The following STRIP2 variants were observed in gnomAD, a reference collection of about 807,000 sequenced individuals.
STRIP2 encodes the protein striatin interacting protein 2, also known as striatin-interacting protein 2.
STRIP2 carries 84 observed loss-of-function variants against 107.1 expected under a neutral mutation model. The ratio of observed to expected loss-of-function variants is 0.78; its 90% CI spans 0.66 to 0.94. The LOEUF is 0.94. STRIP2 is among the 40% of genes least tolerant of loss of function. The probability of loss-of-function intolerance (pLI) is 0.00; values close to 1 mark genes in which losing one functional copy is unlikely to be tolerated. For missense variants in STRIP2, 888 were observed against 1,034.2 expected, an observed-to-expected ratio of 0.86 and a Z score of 1.94; for synonymous variants, 394 against 400.4, an observed-to-expected ratio of 0.98 and a Z score of 0.19.
At position 129,454,154 on chromosome 7, in the gene STRIP2, C is replaced by T. The variant is rs1798273594; in HGVS notation, c.543C>T (p.Ala181=). Residue 181 remains alanine (A), a synonymous_variant, in exon 6 of 21, where the codon GCC becomes GCT. Coordinates refer to ENST00000249344, the MANE Select transcript of STRIP2 (RefSeq NM_020704.3). ...CCTCCCCTGGCAGCAACAGCCAGGC[C>T]TGTAGCAGTGCCCTTCGGAAACCAG... ...LLHMEIDNSQ[A]CSSALRKPAV... is the part of the protein sequence containing the mutation. The T allele has an allele frequency of 6.2e-7, 1 of 1,614,120 alleles. No individual in the cohort carries two copies. The highest frequency in any genetic ancestry group is 1.1e-5 in the South Asian group (1 of 91,082).
intron 20 of STRIP2, chr7:129,484,527 C>G (rs1162133691): frequency 3.9e-5 from 6 of 152,100 alleles, no homozygotes; most frequent in African/African-American, 1.4e-4. Context: ...AGGGAAAATA[C>G]CATGATCATG....
chr7:129,466,909 TATG>T (rs1423675743), intron 16 of STRIP2, among the ~76,000 whole-genome samples: 7 of 152,198 alleles, frequency 4.6e-5, no homozygotes, highest in African/African-American at 1.7e-4. Context: ...ATTTGGTTAT[TATG>T]TGCTGTCACC....
chr7:129,463,469 C>CCTTCCAT (rs1798595350), intron 14 of STRIP2, among the ~76,000 whole-genome samples: 1 of 152,224 alleles, frequency 6.6e-6, no homozygotes, highest in East Asian at 1.9e-4. Context: ...CCACTCTGTT[C>CCTTCCAT]CTTCCATCTT....
At chr7:129,444,734 G>T (rs1307625585) in intron 3 of STRIP2, among the ~76,000 whole-genome samples, 1 of 152,068 alleles carries the variant, frequency 6.6e-6, no homozygotes, top group Admixed American at 6.6e-5. Context: ...GCATAGTTAT[G>T]CCTAACATAA....
chr7:129,453,384 C>G, intron 5 of STRIP2, 37 bp downstream of exon 5: 1 of 1,612,376 alleles, frequency 6.2e-7, no homozygotes, highest in Non-Finnish European at 8.5e-7. Flanking sequence ...CCTACATAAC[C>G]CCCATTCCTT....
chr7:129,454,184 C>A lies in STRIP2; in HGVS notation c.573C>A (p.Val191=), dbSNP rs770472508. ...ACSSALRKPA[V]SIADSTELRV... ...GCAGTGCCCTTCGGAAACCAGCTGT[C>A]TCCATAGCTGATAGCACAGAGCTCA... Residue 191 remains valine (V), a synonymous_variant, in exon 6 of 21, where the codon GTC becomes GTA. Transcript: ENST00000249344. 5.0e-6 allele frequency: 8 copies of A among 1,614,186 alleles called. 1 individual carries two copies. In the South Asian group the frequency reaches 6.6e-5, roughly 13 times the overall value.
intron 17 of STRIP2, among the ~76,000 whole-genome samples, chr7:129,468,701 T>C (rs541253494): frequency 6.6e-6 from 1 of 152,168 alleles, no homozygotes; most frequent in Non-Finnish European, 1.5e-5. Context: ...GGGCCACAAC[T>C]GCATGCAGGC....
rs777491329 is a variant in STRIP2, at chr7:129,455,260, T to G, written c.723T>G (p.Asn241Lys). The change falls in exon 8 of 21, where the codon AAT (asparagine) becomes AAG (lysine). Residue 241 changes from asparagine to lysine, a missense_variant. Asn to Lys is a moderately conservative substitution (Grantham distance 94, BLOSUM62 0). Transcript: ENST00000249344. ...FRTELSFSMH[N>K]EEPFALLLFS... The stretch of plus-strand genomic sequence containing the variant: ...CACCCCTAGGCTTCTCCATGCATAA[T>G]GAGGAGCCTTTTGCCCTTTTACTCT... The G allele has an allele frequency of 1.9e-6, 3 of 1,613,428 alleles. No homozygotes were observed. In the African/African-American group the frequency reaches 4.0e-5, roughly 22 times the overall value.
chr7:129,463,024 G>T lies in STRIP2; in HGVS notation c.1535G>T (p.Ser512Ile). Residue 512 changes from serine (S) to isoleucine (I), a missense_variant, in exon 14 of 21, where the codon AGC (serine) becomes ATC (isoleucine). Coordinates refer to ENST00000249344, the MANE Select transcript of STRIP2 (RefSeq NM_020704.3). ...CEILYQGMLYSLPQYMIALLK... is the reference protein window; with the variant it reads ...CEILYQGMLYILPQYMIALLK... ...ATCCTCTACCAGGGAATGCTGTACA[G>T]CCTTCCGCAGTATATGGTAAGGAGA... The T allele has an allele frequency of 3.7e-6, 6 of 1,613,850 alleles. No individual in the cohort carries two copies. Among genetic ancestry groups the T allele is most frequent in the Non-Finnish European group, 5.1e-6 (6 of 1,179,784 alleles).
intron 3 of STRIP2, among the ~76,000 whole-genome samples, chr7:129,451,399 G>A (rs1029187793): frequency 2.0e-5 from 3 of 152,210 alleles, no homozygotes; most frequent in Non-Finnish European, 2.9e-5. Flanking sequence ...GGAGGACAGA[G>A]GGGATGTTGA....
At chr7:129,467,557 T>C (rs1798700724) in intron 17 of STRIP2, 107 bp downstream of exon 17, 2 of 649,846 alleles carry the variant, frequency 3.1e-6, no homozygotes. Flanking sequence ...GTCCCTCCTG[T>C]CTTAGAGCTG....
intron 4 of STRIP2, 27 bp downstream of exon 4, chr7:129,451,774 GA>G (rs59179950): frequency 0.27 from 431,359 of 1,611,648 alleles, 59,062 homozygotes; most frequent in African/African-American, 0.39. Flanking sequence ...GCTAGCTTTA[GA>G]GGGGTGGAGG....
intron 14 of STRIP2, 86 bp downstream of exon 14, chr7:129,463,126 C>A: frequency 8.9e-7 from 1 of 1,122,348 alleles, no homozygotes; most frequent in Non-Finnish European, 1.3e-6. Flanking sequence ...CTGTCCAACA[C>A]TTGAGCTTGT....
intron 19 of STRIP2, among the ~76,000 whole-genome samples, chr7:129,481,371 C>T (rs1799111679): frequency 6.6e-6 from 1 of 151,932 alleles, no homozygotes; most frequent in African/African-American, 2.4e-5. Context: ...GTGGCAGGCA[C>T]CTATAGTCCC....
At position 129,464,619 on chromosome 7, in the gene STRIP2, G is replaced by A. The variant is rs1385788896; in HGVS notation, c.1657G>A (p.Val553Ile). The change falls in exon 16 of 21, where the codon GTT becomes ATT. Residue 553 changes from valine to isoleucine, a missense_variant. By Grantham distance (29) the Val-to-Ile change is conservative. Transcript: ENST00000249344. ...CTTCTCTCCCCATTGTAGCATCACT[G>A]TTCTCCAGAGCATGAAGCTGGGCAT... ...DVLPEEMPIT[V>I]LQSMKLGIDV... is the part of the protein sequence containing the mutation. The A allele has an allele frequency of 1.9e-6, 3 of 1,613,884 alleles. No individual in the cohort carries two copies. Among genetic ancestry groups the A allele is most frequent in the Non-Finnish European group, 2.5e-6 (3 of 1,179,994 alleles).
Position 129,485,703 on chromosome 7 carries a change from C to T in STRIP2, c.2379C>T (p.Cys793=), listed in dbSNP as rs748950932. The T allele has an allele frequency of 8.1e-6, 13 of 1,614,130 alleles. No homozygotes were observed. Among genetic ancestry groups the T allele is most frequent in the Non-Finnish European group, 8.5e-7 (1 of 1,180,042 alleles). Residue 793 remains cysteine, a synonymous_variant, in exon 21 of 21, where the codon TGC becomes TGT. Coordinates refer to ENST00000249344, the MANE Select transcript of STRIP2 (RefSeq NM_020704.3). ...CTGAGTTTTCACCTGTGGATAACTG[C>T]TTGCAGAGCGTACTGGGGCAGAGGT... The part of the protein sequence containing the change: ...QDSEFSPVDN[C]LQSVLGQRLD...
intron 14 of STRIP2, 52 bp downstream of exon 14, chr7:129,463,092 A>G: frequency 2.2e-5 from 32 of 1,480,180 alleles, no homozygotes; most frequent in Non-Finnish European, 2.8e-5. Flanking sequence ...AGGAACAGAC[A>G]GCTAAAAACC....
At chr7:129,485,354 A>G (rs1799216616) in intron 20 of STRIP2, among the ~76,000 whole-genome samples, 2 of 151,612 alleles carry the variant, frequency 1.3e-5, no homozygotes, top group Non-Finnish European at 1.5e-5. Flanking sequence ...ACCCTTCCAA[A>G]GATAATTTCT....
chr7:129,481,698 G>T (rs1335849112), intron 19 of STRIP2, among the ~76,000 whole-genome samples: 3 of 151,918 alleles, frequency 2.0e-5, no homozygotes, highest in African/African-American at 7.3e-5. Flanking sequence ...GATTGCCTGA[G>T]CCCAGGAGTT....
Sources: gnomAD v4.1 joint callset for allele counts (sites outside exome capture counted in the v4.1 genomes callset) on GRCh38, gnomAD v4.1.1 for gene constraint, MANE v1.5 for transcripts, NCBI Gene and HGNC (gene_info 2026-07-23, HGNC 2026-07-21) for gene names.